UBE4B: variants seen among roughly 807,000 people sequenced by gnomAD.
UBE4B encodes the protein ubiquitination factor E4B, also known as ubiquitin conjugation factor E4 B.
In UBE4B, 27 loss-of-function variants were observed where a neutral mutation model predicts 148.1. The observed-to-expected ratio is 0.18, with a 90% CI of 0.13 to 0.25. The LOEUF is 0.25. Ranked by LOEUF, UBE4B falls within the 10% of genes least tolerant of loss-of-function variation. The pLI, the probability that UBE4B is intolerant of heterozygous loss-of-function variation, is 1.00. For missense variants in UBE4B, 1,170 were observed against 1,662.4 expected, an observed-to-expected ratio of 0.70 and a Z score of 5.15; for synonymous variants, 596 against 619.3, an observed-to-expected ratio of 0.96 and a Z score of 0.56.
rs1168217937 is a variant in UBE4B at position 10,106,649 on chromosome 1, G to C, written c.1196+66G>C. The C allele has an allele frequency of 2.7e-6, 4 of 1,480,106 alleles. No individual in the cohort carries two copies. In the African/African-American group the frequency reaches 4.2e-5, roughly 16 times the overall value. The allele number at this position is 1,480,106 out of a possible 1,614,324, so 91.7% of individuals were successfully genotyped here. A position where few individuals can be genotyped will look rare whatever the true frequency, so the allele number is the denominator to read the frequency against. ...CAGGGAAAGGAGATTAACACGGTTT[G>C]GAAGAAGTGCTGTGTGACACTGACT... On this transcript the variant is annotated intron_variant, in intron 7 of 27. Coordinates refer to ENST00000343090, the MANE Select transcript of UBE4B (RefSeq NM_001105562.3). The surrounding 1 kb of genome is among the most constrained non-coding windows in gnomAD (Gnocchi z 4.2).
intron 7 of UBE4B, chr1:10,107,496 C>T: frequency 9.0e-7 from 1 of 1,108,004 alleles, no homozygotes; most frequent in Non-Finnish European, 1.2e-6. Context: ...AGGTGGGCTC[C>T]AGAGTATATT....
chr1:10,156,684 C>G (rs972325622), intron 21 of UBE4B, among the ~76,000 whole-genome samples: 1 of 152,150 alleles, frequency 6.6e-6, no homozygotes, highest in Admixed American at 6.6e-5. Context: ...TGTCAACACT[C>G]CACACTTTAG....
chr1:10,171,439 C>T, intron 25 of UBE4B, 110 bp downstream of exon 25: 1 of 1,354,044 alleles, frequency 7.4e-7, no homozygotes, highest in African/African-American at 1.5e-5. Context: ...GGGTTGTTTT[C>T]CTTTGAGTGT....
At chr1:10,156,446 A>T (rs1646073564) in intron 21 of UBE4B, among the ~76,000 whole-genome samples, 1 of 151,878 alleles carries the variant, frequency 6.6e-6, no homozygotes, top group South Asian at 2.1e-4. Context: ...CACGATGTTC[A>T]CCAGGCTGGT....
intron 10 of UBE4B, among the ~76,000 whole-genome samples, chr1:10,125,274 T>C (rs1034422684): frequency 3.9e-5 from 6 of 152,260 alleles, no homozygotes; most frequent in Non-Finnish European, 8.8e-5. Context: ...CAACCAGTTA[T>C]GAACTAATTT....
At chr1:10,078,335 G>T (rs1037519302) in intron 2 of UBE4B, among the ~76,000 whole-genome samples, 1 of 152,130 alleles carries the variant, frequency 6.6e-6, no homozygotes, top group Non-Finnish European at 1.5e-5. Context: ...TATTTAAAAT[G>T]TAGGGCTTAC....
At position 10,072,171 on chromosome 1, in the gene UBE4B, T is replaced by C. The variant is rs147996327; in HGVS notation, c.168T>C (p.Asn56=). The C allele has an allele frequency of 2.8e-5, 45 of 1,613,900 alleles. 1 individual carries two copies. In the African/African-American group the frequency reaches 5.2e-4, roughly 19 times the overall value. Residue 56 remains asparagine, a synonymous_variant, in exon 2 of 28, where the codon AAT becomes AAC. Coordinates refer to ENST00000343090, the MANE Select transcript of UBE4B (RefSeq NM_001105562.3). ...GACCCTCTCAGAGTCTTGGTCTCAATGTCCACAACATGACCCCAGCTACCT... is the reference window on the plus strand; with the variant it reads ...GACCCTCTCAGAGTCTTGGTCTCAACGTCCACAACATGACCCCAGCTACCT... ...APGPSQSLGL[N]VHNMTPATSP...
Position 10,106,587 on chromosome 1 carries a change from T to C in UBE4B, c.1196+4T>C. ...CCTCCCTGAGGATCTCTCCTAGGTA[T>C]TTATCCCACAGGAGAGTTGCATGTG... is the stretch of plus-strand genomic sequence containing the variant. On this transcript the variant is annotated splice_donor_region_variant and intron_variant, in intron 7 of 27. Coordinates refer to ENST00000343090, the MANE Select transcript of UBE4B (RefSeq NM_001105562.3). This position sits in a 1 kb window ranked among gnomAD's most constrained non-coding sequence, Gnocchi z 4.2. 6.5e-7 allele frequency: 1 copy of C among 1,539,840 alleles called. No individual in the cohort carries two copies. Among genetic ancestry groups the C allele is most frequent in the South Asian group, 1.2e-5 (1 of 80,004 alleles).
At chr1:10,109,362 C>A (rs1352086833) in intron 7 of UBE4B, among the ~76,000 whole-genome samples, 2 of 152,158 alleles carry the variant, frequency 1.3e-5, no homozygotes, top group Non-Finnish European at 2.9e-5. Flanking sequence ...TTCCTTACTA[C>A]TGTTTTTGCT....
intron 2 of UBE4B, among the ~76,000 whole-genome samples, chr1:10,075,085 T>C (rs1264094806): frequency 6.6e-6 from 1 of 152,184 alleles, no homozygotes; most frequent in Non-Finnish European, 1.5e-5. Flanking sequence ...ATTGGCAAAC[T>C]CTTTCTGTTA....
At chr1:10,036,369 A>G (rs887702087) in intron 1 of UBE4B, among the ~76,000 whole-genome samples, 3 of 152,184 alleles carry the variant, frequency 2.0e-5, no homozygotes, top group African/African-American at 7.2e-5. Context: ...AAATTCACTA[A>G]TACAGGATCA....
chr1:10,144,891 G>C (rs1381505254), intron 17 of UBE4B, 49 bp from the exon 18 acceptor site: 1 of 1,425,188 alleles, frequency 7.0e-7, no homozygotes, highest in Non-Finnish European at 9.8e-7. Flanking sequence ...GAATGGGTAA[G>C]ATGGATCCGG....
Position 10,130,486 on chromosome 1 carries a change from C to A in UBE4B, c.1696-14C>A. 1 of 1,612,554 alleles carries A rather than the reference C, an allele frequency of 6.2e-7. No homozygotes were observed. Among genetic ancestry groups the A allele is most frequent in the Non-Finnish European group, 8.5e-7 (1 of 1,178,982 alleles). On this transcript the variant is annotated splice_polypyrimidine_tract_variant and intron_variant, in intron 12 of 27. Transcript: ENST00000343090. ...TGTTCAGCGGCTTGACTGGCTCTTC[C>A]ATCTTCTGCCTAGGTTGCTTCTTTG...
chr1:10,069,574 G>A (rs982233242), intron 1 of UBE4B, among the ~76,000 whole-genome samples: 1 of 152,038 alleles, frequency 6.6e-6, no homozygotes, highest in Admixed American at 6.6e-5. Context: ...TCACTTCATC[G>A]CCCAGGCTGG....
In UBE4B at chr1:10,148,132, C is replaced by T. The variant is rs191040887; in HGVS notation, c.2591+1042C>T. ...GTCCCAGCTACTCGGGAGGCTGAGGCAGGAGAATGGCGTGAACCTGGGAGG... is the reference window on the plus strand; with the variant it reads ...GTCCCAGCTACTCGGGAGGCTGAGGTAGGAGAATGGCGTGAACCTGGGAGG... On this transcript the variant is annotated intron_variant, in intron 19 of 27. Coordinates refer to ENST00000343090, the MANE Select transcript of UBE4B (RefSeq NM_001105562.3). 8.6e-3 allele frequency among the ~76,000 whole-genome samples: 1,305 copies of T among 150,998 alleles called. 77 individuals are homozygous for T. The highest frequency in any genetic ancestry group is 0.08 in the Admixed American group (1,209 of 15,076).
In UBE4B at chr1:10,158,226, G is replaced by A. The variant is rs183774008; in HGVS notation, c.2927-130G>A. On this transcript the variant is annotated intron_variant, in intron 21 of 27. Coordinates refer to ENST00000343090, the MANE Select transcript of UBE4B (RefSeq NM_001105562.3). ...TTTCTGTCGTGCCCTACATGCAAAA[G>A]AAGTGCAAAATTTCACCAGCTCTCT... The A allele has an allele frequency of 5.5e-4, 662 of 1,201,920 alleles. 9 individuals carry two copies. The Admixed American group carries it at 0.014, about 26-fold the overall frequency. The allele number at this position is 1,201,920 out of a possible 1,614,324, so 74.5% of individuals were successfully genotyped here. A position where few individuals can be genotyped will look rare whatever the true frequency, so the allele number is the denominator to read the frequency against.
intron 1 of UBE4B, among the ~76,000 whole-genome samples, chr1:10,053,078 A>AC (rs1644083795): frequency 6.6e-6 from 1 of 151,818 alleles, no homozygotes; most frequent in African/African-American, 2.4e-5. Context: ...TTCATCAGCG[A>AC]CCCTCCCACC....
chr1:10,152,154 G>A (rs1645985667), intron 21 of UBE4B, among the ~76,000 whole-genome samples: 1 of 151,644 alleles, frequency 6.6e-6, no homozygotes, highest in Non-Finnish European at 1.5e-5. Flanking sequence ...TAGTCCCAGG[G>A]CGGTTGAGGG....
intron 2 of UBE4B, 76 bp from the exon 3 acceptor site, chr1:10,095,385 T>C: frequency 1.3e-6 from 2 of 1,570,034 alleles, no homozygotes; most frequent in Non-Finnish European, 1.7e-6. Context: ...AGATTGTGCG[T>C]GTTTACTGTC....
Sources: gnomAD v4.1 joint callset for allele counts (sites outside exome capture counted in the v4.1 genomes callset) on GRCh38, gnomAD v4.1.1 for gene constraint, Gnocchi (gnomAD v3.1) non-coding constraint, MANE v1.5 for transcripts, NCBI Gene and HGNC (gene_info 2026-07-23, HGNC 2026-07-21) for gene names.